PRC1: variants seen among roughly 807,000 people sequenced by gnomAD.
PRC1 encodes the protein protein regulator of cytokinesis 1, also known as anaphase spindle elongation 1 homolog.
A neutral mutation model predicts 91.2 loss-of-function variants in PRC1; 54 were observed. That is an observed-to-expected ratio of 0.59 (90% CI 0.48 to 0.74). The LOEUF is 0.74. PRC1 is among the 30% of genes least tolerant of loss of function. The pLI is 0.00. For synonymous variants in PRC1, 275 were observed against 263.6 expected (o/e 1.04, Z -0.42); for missense variants, 727 against 746.2 (o/e 0.97, Z 0.30).
At chr15:90,990,390 A>AT (rs2039900828) in intron 1 of PRC1, among the ~76,000 whole-genome samples, 1 of 121,566 alleles carries the variant, frequency 8.2e-6, no homozygotes, top group Non-Finnish European at 1.6e-5. Flanking sequence ...ATAAATAAAT[A>AT]ATTTTTTTTT....
In PRC1 at chr15:90,984,770, G is replaced by A. The variant is rs374649597; in HGVS notation, c.67C>T (p.Arg23Trp). The A allele has an allele frequency of 7.2e-5, 116 of 1,613,914 alleles. No individual in the cohort carries two copies. The highest frequency in any genetic ancestry group is 8.7e-5 in the Non-Finnish European group (103 of 1,180,016). Reference sequence around the variant, plus strand: ...ATCCCAATTAGCTCCCATATTTCCCGAAGGTGATTTAGGGCTTTCTGCAGA... The same window carrying A: ...ATCCCAATTAGCTCCCATATTTCCCAAAGGTGATTTAGGGCTTTCTGCAGA... ...VCLQKALNHL[R>W]EIWELIGIPE... is the part of the protein sequence containing the mutation. The change falls in exon 2 of 15, where the codon CGG (arginine) becomes TGG (tryptophan). Residue 23 changes from arginine to tryptophan, a missense_variant. By Grantham distance (101) the Arg-to-Trp change is moderately radical. Transcript: ENST00000394249. This position sits in a 1 kb window ranked among gnomAD's most constrained non-coding sequence, Gnocchi z 5.1.
At position 90,974,644 on chromosome 15, in the gene PRC1, A is replaced by C. The variant is rs542771806; in HGVS notation, c.1291T>G (p.Tyr431Asp). ...FMVNGQKFMEYVAEQWEMHRL... is the reference protein window; with the variant it reads ...FMVNGQKFMEDVAEQWEMHRL... ...TGCATCTCCCATTGTTCTGCCACAT[A>C]CTCCATGAATTTCTGCCCATTCACC... Residue 431 changes from tyrosine to aspartate, a missense_variant, in exon 10 of 15, where the codon TAT becomes GAT. Physicochemically the swap from Tyr to Asp is radical, Grantham distance 160. Transcript: ENST00000394249. This position sits in a 1 kb window ranked among gnomAD's most constrained non-coding sequence, Gnocchi z 4.6. 1.9e-6 allele frequency: 3 copies of C among 1,613,928 alleles called. No homozygotes were observed. The highest frequency in any genetic ancestry group is 2.5e-6 in the Non-Finnish European group (3 of 1,179,990).
At chr15:90,986,660 T>A (rs1217474730) in intron 1 of PRC1, among the ~76,000 whole-genome samples, 1 of 151,638 alleles carries the variant, frequency 6.6e-6, no homozygotes, top group Non-Finnish European at 1.5e-5. Flanking sequence ...ACACTACACA[T>A]GATATGGATA....
chr15:90,987,238 T>G (rs1418483681), intron 1 of PRC1, among the ~76,000 whole-genome samples: 1 of 151,960 alleles, frequency 6.6e-6, no homozygotes, highest in African/African-American at 2.4e-5. Context: ...CTATGATCAC[T>G]GCACTCCAAA....
At chr15:90,969,170 C>T in intron 13 of PRC1, 50 bp from the exon 14 acceptor site, 3 of 1,563,148 alleles carry the variant, frequency 1.9e-6, no homozygotes, top group South Asian at 2.2e-5. Context: ...CAAGAGAGCA[C>T]CAGGACAGTG....
intron 11 of PRC1, among the ~76,000 whole-genome samples, 186 bp from the exon 12 acceptor site, chr15:90,970,700 C>T (rs1360955906): frequency 6.6e-6 from 1 of 152,160 alleles, no homozygotes; most frequent in East Asian, 1.9e-4. Context: ...ATTTTCAAAG[C>T]CTATTGCTAT....
intron 14 of PRC1, chr15:90,968,321 G>T: frequency 1.0e-6 from 1 of 985,506 alleles, no homozygotes; most frequent in Non-Finnish European, 1.2e-6. Context: ...CAGTTTCAGT[G>T]ATCAAAACTA....
Position 90,968,667 on chromosome 15 carries a change from G to A in PRC1, c.1791+412C>T, listed in dbSNP as rs1317989042. The stretch of plus-strand genomic sequence containing the variant: ...AGAGCTGGCGGTTAAGCCCTGAGGG[G>A]TTAGGAAGGCATATACTCCAGGAAA... On this transcript the variant is annotated intron_variant, in intron 14 of 14. Transcript: ENST00000394249. The A allele has an allele frequency of 3.1e-5, 32 of 1,018,536 alleles. No individual in the cohort carries two copies. In the South Asian group the frequency reaches 6.7e-4, roughly 21 times the overall value. The allele number at this position is 1,018,536 out of a possible 1,614,324, so 63.1% of individuals were successfully genotyped here. A position where few individuals can be genotyped will look rare whatever the true frequency, so the allele number is the denominator to read the frequency against.
At chr15:90,993,500 T>G (rs1435779545) in intron 1 of PRC1, among the ~76,000 whole-genome samples, 1 of 152,188 alleles carries the variant, frequency 6.6e-6, no homozygotes, top group African/African-American at 2.4e-5. Context: ...TTACAAAGCC[T>G]TAGAACAATC....
At chr15:90,988,738 T>G (rs906562036) in intron 1 of PRC1, 66 of 152,108 alleles carry the variant, frequency 4.3e-4, no homozygotes, top group African/African-American at 1.5e-3. Context: ...TAGTAGACCA[T>G]AAACTCAAGG....
chr15:90,980,516 T>A (rs1436160865), intron 6 of PRC1, 127 bp from the exon 7 acceptor site: 5 of 529,150 alleles, frequency 9.4e-6, no homozygotes, highest in African/African-American at 3.8e-5. Flanking sequence ...TCAACACTTT[T>A]TTTTTTTTTT....
At chr15:90,986,467 A>G (rs1174600930) in intron 1 of PRC1, among the ~76,000 whole-genome samples, 1 of 152,152 alleles carries the variant, frequency 6.6e-6, no homozygotes, top group Non-Finnish European at 1.5e-5. Flanking sequence ...TACTAAAAAC[A>G]CAAAAAATTA....
Position 90,984,718 on chromosome 15 carries a change from G to A in PRC1, c.119C>T (p.Thr40Ile). 1.9e-6 allele frequency: 3 copies of A among 1,614,118 alleles called. No individual in the cohort carries two copies. The highest frequency in any genetic ancestry group is 2.5e-6 in the Non-Finnish European group (3 of 1,180,028). ...CTTGATATGCTTCTTTACCACCTCA[G>A]TTCTTTGTAACCGCTGGTCCTCTGG... ...GIPEDQRLQR[T>I]EVVKKHIKEL... Residue 40 changes from threonine (T) to isoleucine (I), a missense_variant, in exon 2 of 15, where the codon ACT becomes ATT. Coordinates refer to ENST00000394249, the MANE Select transcript of PRC1 (RefSeq NM_003981.4). The surrounding 1 kb of genome is among the most constrained non-coding windows in gnomAD (Gnocchi z 5.1).
intron 6 of PRC1, 134 bp downstream of exon 6, chr15:90,980,750 C>A: frequency 1.6e-6 from 2 of 1,250,960 alleles, no homozygotes; most frequent in South Asian, 2.9e-5. Flanking sequence ...AAATGATTCA[C>A]CTGCCTCGGC....
intron 13 of PRC1, 68 bp from the exon 14 acceptor site, chr15:90,969,188 G>A (rs2037824919): frequency 2.7e-6 from 4 of 1,505,510 alleles, no homozygotes; most frequent in East Asian, 4.5e-5. Context: ...GTGATAGAGG[G>A]GTTGCCTCCT....
Position 90,988,861 on chromosome 15 carries a change from C to T in PRC1, c.12-4036G>A, listed in dbSNP as rs186813503. 3.9e-3 allele frequency among the ~76,000 whole-genome samples: 600 copies of T among 152,266 alleles called. 4 individuals are homozygous for T. Among genetic ancestry groups the T allele is most frequent in the African/African-American group, 0.014 (568 of 41,552 alleles). ...AATTCCTCCCAAAGGGTCCTATGCT[C>T]CTAACCTACCTAACCTAATAGAGGT... On this transcript the variant is annotated intron_variant, in intron 1 of 14. Transcript: ENST00000394249.
intron 12 of PRC1, among the ~76,000 whole-genome samples, chr15:90,970,149 G>A (rs2037981729): frequency 6.6e-6 from 1 of 152,152 alleles, no homozygotes; most frequent in Non-Finnish European, 1.5e-5. Flanking sequence ...CAGCGACCCT[G>A]CCTGATCTTC....
intron 14 of PRC1, chr15:90,968,261 T>A (rs1333516956): frequency 1.0e-6 from 1 of 985,300 alleles, no homozygotes; most frequent in African/African-American, 1.7e-5. Context: ...CTTTTAAAGG[T>A]AGAAGCACCA....
At chr15:90,977,963 A>G (rs1240677746) in intron 8 of PRC1, among the ~76,000 whole-genome samples, 1 of 152,184 alleles carries the variant, frequency 6.6e-6, no homozygotes, top group Non-Finnish European at 1.5e-5. Context: ...TCTGTTCTTA[A>G]GCAGCTGTAA....
Sources: gnomAD v4.1 joint callset for allele counts (sites outside exome capture counted in the v4.1 genomes callset) on GRCh38, gnomAD v4.1.1 for gene constraint, Gnocchi (gnomAD v3.1) non-coding constraint, MANE v1.5 for transcripts, NCBI Gene and HGNC (gene_info 2026-07-23, HGNC 2026-07-21) for gene names.